The following FKBP15 variants were observed in gnomAD, a reference collection of about 807,000 sequenced individuals.
FKBP15 encodes the protein FK506-binding protein 15.
FKBP15 carries 106 observed loss-of-function variants against 158.1 expected under a neutral mutation model. That is an observed-to-expected ratio of 0.67 (90% CI 0.57 to 0.79). FKBP15 has a LOEUF of 0.79. FKBP15 is among the 30% of genes least tolerant of loss of function. The pLI, the probability that FKBP15 is intolerant of heterozygous loss-of-function variation, is 0.00. For synonymous variants in FKBP15, 547 were observed against 548.6 expected (o/e 1.00, Z 0.04); for missense variants, 1,287 against 1,479.1 (o/e 0.87, Z 2.13).
At chr9:113,213,285 T>C (rs754180786) in intron 1 of FKBP15, among the ~76,000 whole-genome samples, 1 of 152,044 alleles carries the variant, frequency 6.6e-6, no homozygotes, top group Non-Finnish European at 1.5e-5. Context: ...GGCACGCACC[T>C]GTAATCCCAG....
rs1434171089 is a variant in FKBP15 at position 113,187,881 on chromosome 9, G to GT, written c.1294dup (p.Thr432AsnfsTer72). 17 of 1,613,696 alleles carry GT rather than the reference G, an allele frequency of 1.1e-5. No homozygotes were observed. The Admixed American group carries it at 1.8e-4, about 17-fold the overall frequency. ...GGCAGCAGAAGGTGCCTGGAGCCCA[G>GT]TAACAGATGGCTGAGGTGCTAAGAT... On this transcript the variant is annotated frameshift_variant, in exon 14 of 28. Coordinates refer to ENST00000238256, the MANE Select transcript of FKBP15 (RefSeq NM_015258.2). LOFTEE classifies it high-confidence loss of function.
In FKBP15 at chr9:113,164,159, C is replaced by CTAAT. The variant is rs1830062983; in HGVS notation, c.*1915_*1918dup. The CTAAT allele has an allele frequency of 1.3e-5, 2 of 152,518 alleles. No homozygotes were observed. The highest frequency in any genetic ancestry group is 1.5e-5 in the Non-Finnish European group (1 of 68,040). 9.4% of individuals were successfully genotyped at this position (152,518 alleles called of 1,614,324 possible). Reference sequence around the variant, plus strand: ...AATAGTCTATGACTGTTCTGTTCTCCTAATTCCAACAGAAAGCACATGAAC... The same window carrying CTAAT: ...AATAGTCTATGACTGTTCTGTTCTCCTAATTAATTCCAACAGAAAGCACATGAAC... On this transcript the variant is annotated 3_prime_UTR_variant, in exon 28 of 28. Transcript: ENST00000238256.
rs80167025 is a variant in FKBP15 at position 113,193,561 on chromosome 9, T to C, written c.1008-12A>G. On this transcript the variant is annotated splice_polypyrimidine_tract_variant and intron_variant, in intron 10 of 27. Transcript: ENST00000238256. The stretch of plus-strand genomic sequence containing the variant: ...GAAGAGCTGGCTCCCTGAAAGCAAA[T>C]AGACCATATTCCAAGATTGAAAACA... The C allele has an allele frequency of 2.3e-3, 3,632 of 1,591,268 alleles. 73 individuals carry two copies. In the African/African-American group the frequency reaches 0.042, roughly 19 times the overall value.
chr9:113,215,642 A>ATTTTTTTTTTTT (rs1564192881), intron 1 of FKBP15, among the ~76,000 whole-genome samples: 1 of 82,562 alleles, frequency 1.2e-5, no homozygotes, highest in Non-Finnish European at 2.3e-5. Flanking sequence ...ATATATATAT[A>ATTTTTTTTTTTT]TATTTTTTTT....
At position 113,161,940 on chromosome 9, in the gene FKBP15, C is replaced by T. The variant is rs1317323237; in HGVS notation, c.*4138G>A. The T allele has an allele frequency of 1.1e-5, 7 of 610,554 alleles. No individual in the cohort carries two copies. The highest frequency in any genetic ancestry group is 2.7e-5 in the Admixed American group (1 of 36,464). The allele number at this position is 610,554 out of a possible 1,614,324, so 37.8% of individuals were successfully genotyped here. A position where few individuals can be genotyped will look rare whatever the true frequency, so the allele number is the denominator to read the frequency against. On this transcript the variant is annotated 3_prime_UTR_variant, in exon 28 of 28. Coordinates refer to ENST00000238256, the MANE Select transcript of FKBP15 (RefSeq NM_015258.2). ...GGCTCAGAAGGCTTTCTTTAGGGAA[C>T]AGTGATCTTCAGGTGCAGGCCCCTA...
At chr9:113,177,957 GT>G (rs1830328273) in intron 20 of FKBP15, among the ~76,000 whole-genome samples, 1 of 152,146 alleles carries the variant, frequency 6.6e-6, no homozygotes, top group African/African-American at 2.4e-5. Context: ...TGTGATAAGG[GT>G]TATAATAATG....
chr9:113,216,640 G>GTACA (rs1309449185), intron 1 of FKBP15, among the ~76,000 whole-genome samples: 1 of 152,180 alleles, frequency 6.6e-6, no homozygotes, highest in Admixed American at 6.6e-5. Context: ...AGTGAAAAAT[G>GTACA]TACAAAGCTT....
At chr9:113,205,263 T>C (rs1329926172) in intron 4 of FKBP15, among the ~76,000 whole-genome samples, 2 of 152,170 alleles carry the variant, frequency 1.3e-5, no homozygotes, top group African/African-American at 4.8e-5. Context: ...ATAAAATATC[T>C]GCAAATAAGG....
In FKBP15 at chr9:113,167,333, T is replaced by C. The variant is rs1004630338; in HGVS notation, c.3582+1127A>G. ...AGAACTACATGTTAACTGGACAGTATTGGTACTAATACCAATAATATGCTC... is the reference window on the plus strand; with the variant it reads ...AGAACTACATGTTAACTGGACAGTACTGGTACTAATACCAATAATATGCTC... On this transcript the variant is annotated intron_variant, in intron 27 of 27. Coordinates refer to ENST00000238256, the MANE Select transcript of FKBP15 (RefSeq NM_015258.2). 3.3e-5 allele frequency among the ~76,000 whole-genome samples: 5 copies of C among 152,016 alleles called. 1 individual carries two copies. The highest frequency in any genetic ancestry group is 1.3e-4 in the Admixed American group (2 of 15,300).
At chr9:113,168,667 C>T (rs1587947423) in intron 26 of FKBP15, 111 bp from the exon 27 acceptor site, 3 of 882,800 alleles carry the variant, frequency 3.4e-6, no homozygotes, top group East Asian at 5.3e-5. Flanking sequence ...GCGTTGGTGA[C>T]TGCTCAGGAA....
intron 2 of FKBP15, 82 bp downstream of exon 2, chr9:113,211,395 G>T: frequency 9.4e-7 from 1 of 1,063,412 alleles, no homozygotes; most frequent in Non-Finnish European, 1.4e-6. Flanking sequence ...CTGACCTCAG[G>T]TGATCCACCG....
In FKBP15 at chr9:113,202,549, A is replaced by G; in HGVS notation, c.480T>C (p.Ala160=). ...TTATCACCTGCTTATTGAACTCCAC[A>G]GCAGCCTTTTCCGACTCAAACATGA... The part of the protein sequence containing the change: ...WSIMFESEKA[A]VEFNKQVCIA... The change falls in exon 6 of 28, where the codon GCT becomes GCC. Residue 160 remains alanine, a synonymous_variant. Transcript: ENST00000238256. 6.3e-7 allele frequency: 1 copy of G among 1,581,638 alleles called. No homozygotes were observed. The highest frequency in any genetic ancestry group is 8.6e-7 in the Non-Finnish European group (1 of 1,162,528).
chr9:113,205,387 C>T (rs1343460935), intron 4 of FKBP15, among the ~76,000 whole-genome samples: 3 of 152,106 alleles, frequency 2.0e-5, no homozygotes, highest in African/African-American at 4.8e-5. Flanking sequence ...ACAGAAAATA[C>T]ATGAATGGTC....
rs374914071 is a variant in FKBP15, at chr9:113,221,252, C to T, written c.-9G>A. The stretch of plus-strand genomic sequence containing the variant: ...TCCCCCGCACCGAACATTGCGTTGG[C>T]TTTCACCGGGTTGCGGGGAGGAAGC... On this transcript the variant is annotated 5_prime_UTR_variant, in exon 1 of 28. Coordinates refer to ENST00000238256, the MANE Select transcript of FKBP15 (RefSeq NM_015258.2). 5.0e-6 allele frequency: 8 copies of T among 1,603,792 alleles called. No individual in the cohort carries two copies. In the African/African-American group the frequency reaches 8.0e-5, roughly 16 times the overall value.
Position 113,193,509 on chromosome 9 carries a change from G to A in FKBP15, c.1048C>T (p.Gln350Ter). 1 of 1,597,720 alleles carries A rather than the reference G, an allele frequency of 6.3e-7. No homozygotes were observed. The highest frequency in any genetic ancestry group is 8.5e-7 in the Non-Finnish European group (1 of 1,171,442). The change falls in exon 11 of 28, where the codon CAA becomes TAA. Residue 350 changes from glutamine to a stop codon, truncating the protein, a stop_gained. Transcript: ENST00000238256. LOFTEE classifies it high-confidence loss of function. ...ATACTTACTGTATTTATTGCAAGTT[G>A]TTCACTGAGGGAGTTAGATTTGGTA... The part of the protein sequence containing the change: ...LRTKSNSLSE[Q>*]LAINTSPDAV...
chr9:113,172,277 T>C (rs1830228245), intron 23 of FKBP15, among the ~76,000 whole-genome samples: 1 of 152,200 alleles, frequency 6.6e-6, no homozygotes, highest in South Asian at 2.1e-4. Context: ...GTTCCAAGTC[T>C]TTGCTATTGT....
At chr9:113,170,417 C>A in intron 25 of FKBP15, 105 bp downstream of exon 25, 1 of 832,156 alleles carries the variant, frequency 1.2e-6, no homozygotes, top group African/African-American at 1.7e-5. Flanking sequence ...CAAGCATAAG[C>A]CACTGTGCCA....
intron 15 of FKBP15, among the ~76,000 whole-genome samples, chr9:113,185,320 C>T (rs931107145): frequency 2.6e-5 from 4 of 152,090 alleles, no homozygotes; most frequent in Admixed American, 6.5e-5. Context: ...TGGTGACACG[C>T]GTACACAGTT....
At chr9:113,190,713 G>A (rs961539397) in intron 11 of FKBP15, 135 bp from the exon 12 acceptor site, 53 of 646,198 alleles carry the variant, frequency 8.2e-5, no homozygotes, top group Non-Finnish European at 5.4e-5. Flanking sequence ...ATTTCCTCTA[G>A]AAAATGAGAA....
Sources: gnomAD v4.1 joint callset for allele counts (sites outside exome capture counted in the v4.1 genomes callset) on GRCh38, gnomAD v4.1.1 for gene constraint, MANE v1.5 for transcripts, NCBI Gene and HGNC (gene_info 2026-07-23, HGNC 2026-07-21) for gene names.